LINGO2: variants seen among roughly 807,000 people sequenced by gnomAD.
The protein encoded by LINGO2 is leucine rich repeat and Ig domain containing 2.
In LINGO2, 14 loss-of-function variants were observed where a neutral mutation model predicts 30.6. That is an observed-to-expected ratio of 0.46 (90% CI 0.30 to 0.72). The LOEUF (loss-of-function observed/expected upper bound fraction) is 0.72, where lower values mean the gene tolerates loss of function less well. LINGO2 is among the 30% of genes least tolerant of loss of function. The probability of loss-of-function intolerance (pLI) is 0.07; values close to 1 mark genes in which losing one functional copy is unlikely to be tolerated. For missense variants in LINGO2, 729 were observed against 751.7 expected (o/e 0.97, Z 0.35); for synonymous variants, 317 against 288.5 (o/e 1.10, Z -1.00).
At chr9:28,411,540 C>G (rs1487869714) in intron 2 of LINGO2, among the ~76,000 whole-genome samples, 1 of 152,112 alleles carries the variant, frequency 6.6e-6, no homozygotes, top group Non-Finnish European at 1.5e-5. Context: ...ATTCTGCTCT[C>G]TGTGTCTGAT....
chr9:29,075,910 A>C, the LINGO2 span, among the ~76,000 whole-genome samples: 2 of 152,292 alleles, frequency 1.3e-5, no homozygotes, highest in East Asian at 3.9e-4. Context: ...TATTTTGGAC[A>C]TACGGTCTGA....
At chr9:28,889,826 T>C in the LINGO2 span, among the ~76,000 whole-genome samples, 6,247 of 152,186 alleles carry the variant, frequency 0.041, 194 homozygotes, top group Admixed American at 0.082. Context: ...AAGGTGGTAA[T>C]CATCAAGGTA....
intron 2 of LINGO2, among the ~76,000 whole-genome samples, chr9:28,382,423 C>A (rs953587139): frequency 6.6e-6 from 1 of 152,032 alleles, no homozygotes; most frequent in African/African-American, 2.4e-5. Flanking sequence ...TAGTTAAATA[C>A]CTACAACACA....
At chr9:28,772,544 A>G in the LINGO2 span, among the ~76,000 whole-genome samples, 1 of 152,228 alleles carries the variant, frequency 6.6e-6, no homozygotes, top group Non-Finnish European at 1.5e-5. Flanking sequence ...ATGGAAAACC[A>G]TGCTCTAGGC....
chr9:28,054,658 T>C (rs905403566), intron 4 of LINGO2, among the ~76,000 whole-genome samples: 3 of 152,140 alleles, frequency 2.0e-5, no homozygotes, highest in Non-Finnish European at 2.9e-5. Flanking sequence ...TTTGACTTTG[T>C]CTTTTGGTCA....
chr9:28,026,037 C>T (rs546286178), intron 4 of LINGO2, among the ~76,000 whole-genome samples: 4 of 152,286 alleles, frequency 2.6e-5, no homozygotes, highest in Non-Finnish European at 5.9e-5. Context: ...TCTCCTGTTG[C>T]CTTTACTTAC....
the LINGO2 span, among the ~76,000 whole-genome samples, chr9:29,132,665 T>C: frequency 6.6e-6 from 1 of 152,180 alleles, no homozygotes; most frequent in African/African-American, 2.4e-5. Flanking sequence ...TGCTTCATTC[T>C]TTCGTTGCTT....
the LINGO2 span, among the ~76,000 whole-genome samples, chr9:28,843,005 GA>G: frequency 1.3e-5 from 2 of 151,792 alleles, no homozygotes; most frequent in Non-Finnish European, 2.9e-5. Context: ...TACAATGGGT[GA>G]TTTTTTTAAA....
chr9:28,411,790 G>C (rs1030963703), intron 2 of LINGO2, among the ~76,000 whole-genome samples: 2 of 152,018 alleles, frequency 1.3e-5, no homozygotes, highest in African/African-American at 4.8e-5. Context: ...ACCCAGAAGG[G>C]ATATTGCTGG....
intron 4 of LINGO2, among the ~76,000 whole-genome samples, chr9:28,017,463 C>T (rs576697592): frequency 2.0e-5 from 3 of 152,122 alleles, no homozygotes; most frequent in African/African-American, 7.2e-5. Flanking sequence ...CCAAAAGCCC[C>T]TTGGTCAGAT....
chr9:28,924,629 C>T, the LINGO2 span, among the ~76,000 whole-genome samples: 1 of 152,166 alleles, frequency 6.6e-6, no homozygotes. Flanking sequence ...GTTGTCCCAA[C>T]TATAGATGTT....
chr9:28,426,882 CTTCT>C (rs1186546709), intron 2 of LINGO2, among the ~76,000 whole-genome samples: 1 of 152,084 alleles, frequency 6.6e-6, no homozygotes, highest in Admixed American at 6.6e-5. Context: ...TCAGATGTTA[CTTCT>C]TTCTGTCTTT....
chr9:28,718,575 G>A, the LINGO2 span, among the ~76,000 whole-genome samples: 1 of 151,820 alleles, frequency 6.6e-6, no homozygotes, highest in Non-Finnish European at 1.5e-5. Context: ...TCCCTGCTCT[G>A]ACTAAAACCT....
At chr9:28,268,137 G>T (rs1822818613) in intron 4 of LINGO2, among the ~76,000 whole-genome samples, 1 of 151,972 alleles carries the variant, frequency 6.6e-6, no homozygotes, top group Non-Finnish European at 1.5e-5. Flanking sequence ...AAAAATGTAG[G>T]TCAGGCAAAT....
At chr9:29,185,770 A>G in the LINGO2 span, among the ~76,000 whole-genome samples, 1 of 152,216 alleles carries the variant, frequency 6.6e-6, no homozygotes, top group Non-Finnish European at 1.5e-5. Flanking sequence ...TTGCTGCTTC[A>G]TAATCCCAAA....
chr9:29,020,819 A>G, the LINGO2 span, among the ~76,000 whole-genome samples: 1 of 152,160 alleles, frequency 6.6e-6, no homozygotes, highest in African/African-American at 2.4e-5. Context: ...AGCAGTGAAG[A>G]TACTGGGCTA....
Position 28,062,607 on chromosome 9 carries a change from A to C in LINGO2, c.-86-50202T>G, listed in dbSNP as rs12685311. Among the ~76,000 whole-genome samples the C allele has an allele frequency of 4.1e-3, 564 of 138,274 alleles. 1 individual carries two copies. The highest frequency in any genetic ancestry group is 0.028 in the Middle Eastern group (7 of 250). 90.7% of individuals were successfully genotyped at this position (138,274 alleles called of 152,430 possible). ...AATATATATATTTTGTATATATACA[A>C]AATCAAATATATATATTTTGTATAT... On this transcript the variant is annotated intron_variant, in intron 4 of 5. Coordinates refer to ENST00000379992, the Ensembl canonical transcript of LINGO2.
At chr9:28,387,801 C>G (rs12337232) in intron 2 of LINGO2, among the ~76,000 whole-genome samples, 5 of 152,178 alleles carry the variant, frequency 3.3e-5, no homozygotes, top group Admixed American at 1.3e-4. Context: ...ACACTCACTG[C>G]GAAGGTCTGC....
At chr9:28,700,710 T>A in the LINGO2 span, among the ~76,000 whole-genome samples, 1 of 152,108 alleles carries the variant, frequency 6.6e-6, no homozygotes, top group East Asian at 1.9e-4. Context: ...ATGTTTCATT[T>A]TATAAGAAAC....
Sources: gnomAD v4.1 joint callset for allele counts (sites outside exome capture counted in the v4.1 genomes callset) on GRCh38, gnomAD v4.1.1 for gene constraint, MANE v1.5 for transcripts, NCBI Gene and HGNC (gene_info 2026-07-23, HGNC 2026-07-21) for gene names.